Variants in HPSE2 observed in about 807,000 individuals in gnomAD.
HPSE2 encodes heparanase 2 (inactive).
In HPSE2, 38 loss-of-function variants were observed where a neutral mutation model predicts 60.5. That is an observed-to-expected ratio of 0.63 (90% confidence interval 0.48 to 0.82). The LOEUF (loss-of-function observed/expected upper bound fraction) is 0.82, where lower values mean the gene tolerates loss of function less well. Among genes scored for constraint, HPSE2 ranks in the 40% least tolerant of loss-of-function variants. The pLI, the probability that HPSE2 is intolerant of heterozygous loss-of-function variation, is 0.00. For missense variants in HPSE2, 713 were observed against 740.4 expected, an observed-to-expected ratio of 0.96 and a Z score of 0.43; for synonymous variants, 295 against 293.2, an observed-to-expected ratio of 1.01 and a Z score of -0.06.
chr10:99,069,449 C>T (rs1842718098), intron 3 of HPSE2, among the ~76,000 whole-genome samples: 1 of 151,716 alleles, frequency 6.6e-6, no homozygotes, highest in Admixed American at 6.6e-5. Context: ...TTTGGATGTG[C>T]TTATTTGTTT....
chr10:98,464,403 G>A (rs1045181640), intron 11 of HPSE2, among the ~76,000 whole-genome samples: 2 of 152,154 alleles, frequency 1.3e-5, no homozygotes, highest in Non-Finnish European at 2.9e-5. Context: ...TTTTGCTTCC[G>A]AGTCATATCA....
intron 9 of HPSE2, among the ~76,000 whole-genome samples, chr10:98,539,946 G>A (rs889800624): frequency 5.3e-5 from 8 of 152,206 alleles, no homozygotes; most frequent in African/African-American, 1.9e-4. Context: ...CACTATAGCA[G>A]AAAAAACCCT....
chr10:99,308,541 A>G, the HPSE2 span, among the ~76,000 whole-genome samples: 1 of 152,028 alleles, frequency 6.6e-6, no homozygotes, highest in Non-Finnish European at 1.5e-5. Flanking sequence ...AAATTCGTTA[A>G]CCCTTTTTCT....
In HPSE2 at chr10:98,800,933, T is replaced by C. The variant is rs144746813; in HGVS notation, c.611-56877A>G. ...CAAAGACACATCAAAAACAGAAAAC[T>C]ACAGGCCAATATCTCTGATGATTAT... On this transcript the variant is annotated intron_variant, in intron 3 of 11. Coordinates refer to ENST00000370552, the MANE Select transcript of HPSE2 (RefSeq NM_021828.5). Among the ~76,000 whole-genome samples, 26 of 152,186 alleles carry C rather than the reference T, an allele frequency of 1.7e-4. No homozygotes were observed. The East Asian group carries it at 3.7e-3, about 21-fold the overall frequency.
chr10:99,072,497 G>C (rs1224904306), intron 3 of HPSE2, among the ~76,000 whole-genome samples: 4 of 152,014 alleles, frequency 2.6e-5, no homozygotes, highest in African/African-American at 9.7e-5. Context: ...CAAGAGACAT[G>C]AACAGACACT....
At chr10:99,110,767 A>G (rs1844426945) in intron 3 of HPSE2, among the ~76,000 whole-genome samples, 1 of 152,166 alleles carries the variant, frequency 6.6e-6, no homozygotes. Context: ...TTTTGTGTCA[A>G]ATTATTCTCC....
intron 3 of HPSE2, among the ~76,000 whole-genome samples, chr10:98,772,078 G>A (rs1303896102): frequency 6.6e-6 from 1 of 152,136 alleles, no homozygotes; most frequent in African/African-American, 2.4e-5. Context: ...GGCAATAACC[G>A]TAAGGATGGT....
At chr10:99,091,923 G>A (rs990072005) in intron 3 of HPSE2, among the ~76,000 whole-genome samples, 1 of 152,214 alleles carries the variant, frequency 6.6e-6, no homozygotes, top group Non-Finnish European at 1.5e-5. Context: ...AAAAGTTGCT[G>A]TCATTTTTGT....
intron 5 of HPSE2, among the ~76,000 whole-genome samples, chr10:98,712,074 A>G (rs1948688022): frequency 6.6e-6 from 1 of 152,026 alleles, no homozygotes; most frequent in Non-Finnish European, 1.5e-5. Flanking sequence ...AGAAGAGGGA[A>G]CAGAGGAAAA....
intron 3 of HPSE2, among the ~76,000 whole-genome samples, chr10:98,796,370 T>A (rs745341567): frequency 6.6e-6 from 1 of 152,142 alleles, no homozygotes; most frequent in Non-Finnish European, 1.5e-5. Flanking sequence ...TAAGTGAACA[T>A]CAGCAGTGGC....
In HPSE2 at chr10:98,936,922, T is replaced by C. The variant is rs1954810431; in HGVS notation, c.611-192866A>G. Among the ~76,000 whole-genome samples, 2 of 113,524 alleles carry C rather than the reference T, an allele frequency of 1.8e-5. 1 individual carries two copies. Among genetic ancestry groups the C allele is most frequent in the African/African-American group, 8.5e-5 (2 of 23,478 alleles). 74.5% of individuals were successfully genotyped at this position (113,524 alleles called of 152,430 possible). The stretch of plus-strand genomic sequence containing the variant: ...TAATCCCGGGAGGCGGAGGTTGCAG[T>C]GAGCTGAGACAGCACTACTACACTC... On this transcript the variant is annotated intron_variant, in intron 3 of 11. Transcript: ENST00000370552.
chr10:99,137,102 C>T (rs1361515869), intron 3 of HPSE2, among the ~76,000 whole-genome samples: 1 of 152,120 alleles, frequency 6.6e-6, no homozygotes, highest in Non-Finnish European at 1.5e-5. Flanking sequence ...CAATAATAGA[C>T]AAACAGAGAG....
chr10:98,610,501 C>T (rs1945723878), intron 9 of HPSE2, among the ~76,000 whole-genome samples: 1 of 152,140 alleles, frequency 6.6e-6, no homozygotes, highest in African/African-American at 2.4e-5. Context: ...CAATCCATGA[C>T]CAATGACTAT....
At chr10:99,305,643 T>C in the HPSE2 span, among the ~76,000 whole-genome samples, 1 of 152,138 alleles carries the variant, frequency 6.6e-6, no homozygotes, top group African/African-American at 2.4e-5. Context: ...TAATACATCT[T>C]ACATGGCTGA....
At chr10:98,695,599 G>C (rs1336023747) in intron 5 of HPSE2, among the ~76,000 whole-genome samples, 1 of 152,068 alleles carries the variant, frequency 6.6e-6, no homozygotes, top group African/African-American at 2.4e-5. Flanking sequence ...CTTCCCTATT[G>C]CCTAGAGAAG....
chr10:98,956,339 G>T (rs887851143), intron 3 of HPSE2, among the ~76,000 whole-genome samples: 1 of 152,154 alleles, frequency 6.6e-6, no homozygotes, highest in African/African-American at 2.4e-5. Context: ...GATAGAGCAT[G>T]GTGTGTTCAG....
intron 3 of HPSE2, among the ~76,000 whole-genome samples, chr10:98,845,152 GGAGCTA>G (rs1952005265): frequency 5.3e-5 from 8 of 152,268 alleles, no homozygotes; most frequent in Middle Eastern, 3.4e-3. Context: ...CCTCTGCCTG[GGAGCTA>G]GACAGGAATG....
chr10:99,278,347 T>A, the HPSE2 span, among the ~76,000 whole-genome samples: 373 of 152,266 alleles, frequency 2.4e-3, 3 homozygotes, highest in South Asian at 7.0e-3. Flanking sequence ...TTTTAAAAAA[T>A]AAAATTTGAC....
chr10:98,762,300 T>TG (rs144519218), intron 3 of HPSE2, among the ~76,000 whole-genome samples: 1 of 77,762 alleles, frequency 1.3e-5, no homozygotes, highest in Non-Finnish European at 2.6e-5. Flanking sequence ...GGGTGGGGGG[T>TG]GGGGGGTGCT....
Sources: gnomAD v4.1 joint callset for allele counts (sites outside exome capture counted in the v4.1 genomes callset) on GRCh38, gnomAD v4.1.1 for gene constraint, MANE v1.5 for transcripts, NCBI Gene and HGNC (gene_info 2026-07-23, HGNC 2026-07-21) for gene names.